Variants in RBFOX1 observed in about 807,000 individuals in gnomAD.
RBFOX1 encodes RNA binding protein fox-1 homolog 1.
RBFOX1 carries 8 observed loss-of-function variants against 57.7 expected under a neutral mutation model. The observed-to-expected ratio is 0.14, with a 90% confidence interval of 0.08 to 0.25. The LOEUF (loss-of-function observed/expected upper bound fraction) is 0.25, where lower values mean the gene tolerates loss of function less well. Ranked by LOEUF, RBFOX1 falls within the 10% of genes least tolerant of loss-of-function variation. The pLI is 1.00. For synonymous variants in RBFOX1, 326 were observed against 222.4 expected (o/e 1.47, Z -4.15); for missense variants, 611 against 548.5 (o/e 1.11, Z -1.14).
At chr16:6,489,707 A>G (rs927045079) in intron 2 of RBFOX1, among the ~76,000 whole-genome samples, 124 of 152,294 alleles carry the variant, frequency 8.1e-4, no homozygotes, top group African/African-American at 2.8e-3. Flanking sequence ...TTGAAAGAGC[A>G]TGAGTGATAA....
chr16:6,214,652 AGAGAGG>A (rs2097321371), intron 1 of RBFOX1, among the ~76,000 whole-genome samples: 1 of 104,076 alleles, frequency 9.6e-6, no homozygotes, highest in Non-Finnish European at 1.9e-5. Context: ...AGGGACAGGG[AGAGAGG>A]GAGAAGGAGA....
At chr16:5,671,567 C>G (rs1025137923) in intron 3 of RBFOX1, among the ~76,000 whole-genome samples, 3 of 152,174 alleles carry the variant, frequency 2.0e-5, no homozygotes, top group Non-Finnish European at 4.4e-5. Context: ...AAATTCAAAA[C>G]TGCCAAGTTT....
chr16:7,412,903 G>A (rs1191168039), intron 4 of RBFOX1, among the ~76,000 whole-genome samples: 1 of 152,142 alleles, frequency 6.6e-6, no homozygotes, highest in African/African-American at 2.4e-5. Context: ...TTGGCCAGGC[G>A]CCATGGTGGG....
At chr16:7,010,496 G>A (rs527825123) in intron 3 of RBFOX1, among the ~76,000 whole-genome samples, 2 of 152,100 alleles carry the variant, frequency 1.3e-5, no homozygotes, top group East Asian at 3.9e-4. Flanking sequence ...TGAAGGAGAT[G>A]TGGGTTGGAA....
chr16:7,177,963 C>G (rs2081996399), intron 4 of RBFOX1, among the ~76,000 whole-genome samples: 2 of 152,300 alleles, frequency 1.3e-5, no homozygotes, highest in South Asian at 2.1e-4. Flanking sequence ...AGAGCAGACA[C>G]AACATGCTCA....
At chr16:6,803,979 A>C (rs539665976) in intron 3 of RBFOX1, among the ~76,000 whole-genome samples, 1 of 152,216 alleles carries the variant, frequency 6.6e-6, no homozygotes, top group South Asian at 2.1e-4. Context: ...TAACATATGA[A>C]GCTAAACTGT....
At chr16:6,764,437 G>C (rs151125114) in intron 3 of RBFOX1, among the ~76,000 whole-genome samples, 6 of 152,174 alleles carry the variant, frequency 3.9e-5, no homozygotes, top group Non-Finnish European at 8.8e-5. Flanking sequence ...ATGCAGGTTA[G>C]CTTGATGAGC....
intron 3 of RBFOX1, among the ~76,000 whole-genome samples, chr16:6,805,380 G>A (rs1567324328): frequency 6.6e-6 from 1 of 152,244 alleles, no homozygotes; most frequent in Middle Eastern, 3.4e-3. Flanking sequence ...AGACTTTGGG[G>A]TCTCCTGGAG....
At chr16:6,153,178 A>T (rs1392949015) in intron 1 of RBFOX1, among the ~76,000 whole-genome samples, 1 of 152,016 alleles carries the variant, frequency 6.6e-6, no homozygotes, top group East Asian at 1.9e-4. Flanking sequence ...TATACCCTGA[A>T]TCCGATTTGT....
chr16:5,597,811 G>A (rs1056926772), intron 2 of RBFOX1, among the ~76,000 whole-genome samples: 1 of 152,108 alleles, frequency 6.6e-6, no homozygotes, highest in South Asian at 2.1e-4. Flanking sequence ...ATACTACGAC[G>A]GTGATTCACA....
chr16:7,363,913 G>C (rs1023670702), intron 4 of RBFOX1, among the ~76,000 whole-genome samples: 4 of 152,114 alleles, frequency 2.6e-5, no homozygotes, highest in Non-Finnish European at 5.9e-5. Flanking sequence ...TGGCACTTCA[G>C]CAGAAGTGGG....
intron 5 of RBFOX1, among the ~76,000 whole-genome samples, chr16:7,538,919 T>A (rs2082197545): frequency 6.7e-6 from 1 of 148,336 alleles, no homozygotes; most frequent in African/African-American, 2.5e-5. Flanking sequence ...CATGGAGTTC[T>A]ATGGTCAATG....
chr16:7,008,201 G>T (rs1008782022), intron 3 of RBFOX1, among the ~76,000 whole-genome samples: 69 of 152,168 alleles, frequency 4.5e-4, no homozygotes, highest in African/African-American at 1.6e-3. Context: ...GATATTTTTG[G>T]CGAATTGGCT....
intron 4 of RBFOX1, among the ~76,000 whole-genome samples, chr16:5,958,549 G>A (rs551716879): frequency 1.3e-5 from 2 of 152,328 alleles, no homozygotes; most frequent in South Asian, 4.1e-4. Context: ...GAAAAAGGGG[G>A]ATGATAAGAG....
intron 4 of RBFOX1, among the ~76,000 whole-genome samples, chr16:7,403,210 A>G (rs563851931): frequency 2.6e-5 from 4 of 152,174 alleles, no homozygotes; most frequent in South Asian, 2.1e-4. Context: ...GAAGGTATCT[A>G]TCAGCTCAGA....
rs1423578987 is a variant in RBFOX1, at chr16:6,792,467, G to T, written c.-16+137817G>T. ...CTGTTCATACCTTCCAGAAAGACTG[G>T]GGTGAGATGAATTCCATATTTTTGT... On this transcript the variant is annotated intron_variant, in intron 3 of 15. Coordinates refer to ENST00000550418, the MANE Select transcript of RBFOX1 (RefSeq NM_018723.4). Among the ~76,000 whole-genome samples the T allele has an allele frequency of 2.6e-5, 4 of 152,004 alleles. 1 individual carries two copies. The highest frequency in any genetic ancestry group is 5.9e-5 in the Non-Finnish European group (4 of 68,002).
intron 4 of RBFOX1, among the ~76,000 whole-genome samples, chr16:7,197,354 G>T (rs1032667515): frequency 6.6e-6 from 1 of 150,664 alleles, no homozygotes; most frequent in South Asian, 2.1e-4. Context: ...GAATCCCAGA[G>T]CTTCTTTCTG....
Position 5,947,906 on chromosome 16 carries a change from G to C in RBFOX1, c.351+80571G>C, listed in dbSNP as rs1567178753. ...GTTTATGTAATTATTAGTTTGAATG[G>C]CTCTGCTCATTATGGTACAGAATTT... On this transcript the variant is annotated intron_variant, in intron 4 of 19. Coordinates refer to the RBFOX1 transcript ENST00000641259. This position sits in a 1 kb window ranked among gnomAD's most constrained non-coding sequence, Gnocchi z 7.2. Among the ~76,000 whole-genome samples the C allele has an allele frequency of 1.3e-5, 2 of 152,194 alleles. No individual in the cohort carries two copies. Among genetic ancestry groups the C allele is most frequent in the South Asian group, 4.1e-4 (2 of 4,830 alleles).
At chr16:6,151,991 G>C (rs534207236) in intron 1 of RBFOX1, among the ~76,000 whole-genome samples, 10 of 152,290 alleles carry the variant, frequency 6.6e-5, no homozygotes, top group Non-Finnish European at 1.3e-4. Context: ...CTTGCAATGT[G>C]AATAGCCATT....
Sources: allele counts gnomAD v4.1 joint callset (sites outside exome capture counted in the v4.1 genomes callset), GRCh38; gene constraint gnomAD v4.1.1; non-coding constraint Gnocchi (gnomAD v3.1); transcripts MANE v1.5; gene names NCBI Gene and HGNC (gene_info 2026-07-23, HGNC 2026-07-21).